The following ERC2 variants were observed in gnomAD, a reference collection of about 807,000 sequenced individuals.
The protein encoded by ERC2 is ELKS/RAB6-interacting/CAST family member 2.
A neutral mutation model predicts 114.8 loss-of-function variants in ERC2; 42 were observed. The observed-to-expected ratio is 0.37, with a 90% confidence interval of 0.29 to 0.47. The LOEUF is 0.47. Ranked by LOEUF, ERC2 falls within the 20% of genes least tolerant of loss-of-function variation. The pLI, the probability that ERC2 is intolerant of heterozygous loss-of-function variation, is 0.99. For synonymous variants in ERC2, 454 were observed against 425.5 expected (o/e 1.07, Z -0.82); for missense variants, 939 against 1,150.7 (o/e 0.82, Z 2.66).
At chr3:55,649,030 G>A (rs1174263625) in intron 17 of ERC2, among the ~76,000 whole-genome samples, 2 of 152,080 alleles carry the variant, frequency 1.3e-5, no homozygotes, top group African/African-American at 2.4e-5. Context: ...CTCAGAACCT[G>A]GGGCTTATCC....
intron 13 of ERC2, among the ~76,000 whole-genome samples, chr3:55,902,446 G>A (rs954916366): frequency 1.3e-5 from 2 of 152,062 alleles, no homozygotes; most frequent in African/African-American, 4.8e-5. Flanking sequence ...ACTTCATACA[G>A]GGAAAACTCA....
At chr3:55,579,340 A>AT (rs2057142407) in intron 17 of ERC2, among the ~76,000 whole-genome samples, 1 of 152,334 alleles carries the variant, frequency 6.6e-6, no homozygotes, top group South Asian at 2.1e-4. Flanking sequence ...AAAAAATGGC[A>AT]TGAACCCCTT....
intron 7 of ERC2, among the ~76,000 whole-genome samples, chr3:56,058,015 C>T (rs191543414): frequency 6.6e-6 from 1 of 152,204 alleles, no homozygotes; most frequent in Admixed American, 6.5e-5. Context: ...TGTCAGGTAT[C>T]CTTACAGTGA....
intron 6 of ERC2, among the ~76,000 whole-genome samples, chr3:56,102,894 T>C (rs2078434883): frequency 6.6e-6 from 1 of 152,206 alleles, no homozygotes; most frequent in Non-Finnish European, 1.5e-5. Flanking sequence ...AAAATGTATT[T>C]GACAACTTTT....
chr3:55,685,277 CAG>C (rs2062268338), intron 16 of ERC2, among the ~76,000 whole-genome samples: 1 of 152,190 alleles, frequency 6.6e-6, no homozygotes, highest in Non-Finnish European at 1.5e-5. Context: ...ATGATTTGCA[CAG>C]AGTCTGAACT....
chr3:55,946,076 A>G (rs2067105434), intron 13 of ERC2, among the ~76,000 whole-genome samples: 1 of 151,798 alleles, frequency 6.6e-6, no homozygotes, highest in Non-Finnish European at 1.5e-5. Flanking sequence ...AAAGAAAAAA[A>G]TAAATAAAAA....
chr3:56,428,154 C>T (rs552422440), intron 2 of ERC2, among the ~76,000 whole-genome samples: 1 of 152,062 alleles, frequency 6.6e-6, no homozygotes, highest in East Asian at 1.9e-4. Flanking sequence ...TTCCAATTGG[C>T]ACAACTCATC....
intron 17 of ERC2, among the ~76,000 whole-genome samples, chr3:55,552,681 CCT>C (rs2055299155): frequency 6.6e-6 from 1 of 151,076 alleles, no homozygotes; most frequent in Admixed American, 6.6e-5. Flanking sequence ...CTGAAAATGC[CCT>C]GTTAGCATTT....
intron 17 of ERC2, among the ~76,000 whole-genome samples, chr3:55,597,193 G>A (rs2058181366): frequency 6.6e-6 from 1 of 152,134 alleles, no homozygotes; most frequent in African/African-American, 2.4e-5. Context: ...GGCCGAGGTG[G>A]GCGGATCACG....
intron 14 of ERC2, among the ~76,000 whole-genome samples, chr3:55,774,393 A>AGCAGGATACAAAGCACTCAGGGACCCC: frequency 6.6e-6 from 1 of 152,192 alleles, no homozygotes; most frequent in Non-Finnish European, 1.5e-5. Flanking sequence ...TGTTGCCTGG[A>AGCAGGATACAAAGCACTCAGGGACCCC]GCAGGATACA....
intron 2 of ERC2, among the ~76,000 whole-genome samples, chr3:56,311,460 A>G (rs2056574833): frequency 6.6e-6 from 1 of 150,764 alleles, no homozygotes; most frequent in Non-Finnish European, 1.5e-5. Flanking sequence ...CACCACGCCC[A>G]GCTAATTTTT....
chr3:55,525,589 G>A (rs1256680088), intron 17 of ERC2, among the ~76,000 whole-genome samples: 1 of 152,160 alleles, frequency 6.6e-6, no homozygotes, highest in Non-Finnish European at 1.5e-5. Flanking sequence ...ATGTGGTAAG[G>A]CCTGAAATAG....
At chr3:56,187,960 G>A (rs1406405328) in intron 3 of ERC2, among the ~76,000 whole-genome samples, 2 of 152,190 alleles carry the variant, frequency 1.3e-5, no homozygotes, top group Admixed American at 1.3e-4. Context: ...ACCAAGACCT[G>A]AAGGATGAGC....
At chr3:56,169,458 T>A (rs1253513579) in intron 4 of ERC2, among the ~76,000 whole-genome samples, 6 of 152,190 alleles carry the variant, frequency 3.9e-5, no homozygotes, top group Non-Finnish European at 7.3e-5. Flanking sequence ...TTACATTTTT[T>A]AAAAAACACA....
chr3:55,530,681 C>T (rs544599729), intron 17 of ERC2, among the ~76,000 whole-genome samples: 4 of 152,280 alleles, frequency 2.6e-5, no homozygotes, highest in South Asian at 2.1e-4. Context: ...TTTCTCCATG[C>T]GTTAGGCTGG....
chr3:56,077,677 T>C lies in ERC2; in HGVS notation c.1641+3140A>G, dbSNP rs1355456844. Among the ~76,000 whole-genome samples the C allele has an allele frequency of 2.0e-5, 3 of 152,238 alleles. No individual in the cohort carries two copies. In the East Asian group the frequency reaches 5.8e-4, roughly 29 times the overall value. On this transcript the variant is annotated intron_variant, in intron 7 of 17. Coordinates refer to ENST00000288221, the MANE Select transcript of ERC2 (RefSeq NM_015576.3). The stretch of plus-strand genomic sequence containing the variant: ...ACAAAATGAACAAGTGTGATATTTT[T>C]CCCTAATTCACTCTCACACCTGGTG...
chr3:56,146,430 A>C (rs2081138395), intron 5 of ERC2, among the ~76,000 whole-genome samples: 1 of 152,356 alleles, frequency 6.6e-6, no homozygotes, highest in Admixed American at 6.5e-5. Context: ...GACCCTTACT[A>C]GTACTTTTTA....
rs745925040 is a variant in ERC2 at position 56,434,924 on chromosome 3, G to A, written c.84C>T (p.Gly28=). The A allele has an allele frequency of 1.1e-5, 17 of 1,613,626 alleles. No individual in the cohort carries two copies. Among genetic ancestry groups the A allele is most frequent in the Non-Finnish European group, 1.4e-5 (16 of 1,179,842 alleles). Residue 28 remains glycine (G), a synonymous_variant, in exon 2 of 18, where the codon GGC becomes GGT. Transcript: ENST00000288221. ...SPRLPRSPRL[G]HRRTSSGGGG... ...CTCCCCCACTACTTGTTCTTCGGTG[G>A]CCCAAACGAGGAGACCTTGGCAAAC...
chr3:55,748,596 C>T (rs2066458662), intron 14 of ERC2, among the ~76,000 whole-genome samples: 1 of 152,198 alleles, frequency 6.6e-6, no homozygotes, highest in Non-Finnish European at 1.5e-5. Context: ...GGATCATCAG[C>T]AATACCGTGC....
Sources: allele counts gnomAD v4.1 joint callset (sites outside exome capture counted in the v4.1 genomes callset), GRCh38; gene constraint gnomAD v4.1.1; transcripts MANE v1.5; gene names NCBI Gene and HGNC (gene_info 2026-07-23, HGNC 2026-07-21).